The following GSG1L variants were observed in gnomAD, a reference collection of about 807,000 sequenced individuals.
The protein encoded by GSG1L is germ cell-specific gene 1-like protein.
GSG1L carries 24 observed loss-of-function variants against 42.1 expected under a neutral mutation model. The observed-to-expected ratio is 0.57, with a 90% CI of 0.41 to 0.80. GSG1L has a LOEUF of 0.80. GSG1L is among the 30% of genes least tolerant of loss of function. GSG1L has a pLI of 0.00. For synonymous variants in GSG1L, 215 were observed against 203.5 expected (o/e 1.06, Z -0.48); for missense variants, 445 against 472.2 (o/e 0.94, Z 0.53).
At chr16:27,963,922 A>C (rs2085099239) in intron 1 of GSG1L, among the ~76,000 whole-genome samples, 1 of 152,216 alleles carries the variant, frequency 6.6e-6, no homozygotes, top group South Asian at 2.1e-4. Context: ...TCACTGAAAG[A>C]GAGTGTACTG....
At chr16:27,899,131 A>G (rs1330688919) in intron 2 of GSG1L, among the ~76,000 whole-genome samples, 2 of 152,226 alleles carry the variant, frequency 1.3e-5, no homozygotes, top group Non-Finnish European at 2.9e-5. Context: ...AAGCGCCCCC[A>G]GACATCTGCT....
intron 1 of GSG1L, among the ~76,000 whole-genome samples, chr16:27,977,515 G>A (rs1257217998): frequency 2.2e-5 from 3 of 136,718 alleles, no homozygotes; most frequent in Middle Eastern, 8.1e-3. Context: ...AGCCAAGATC[G>A]TGCCACTGCA....
chr16:27,972,202 A>C (rs2141116390), intron 1 of GSG1L, among the ~76,000 whole-genome samples: 1 of 152,394 alleles, frequency 6.6e-6, no homozygotes, highest in East Asian at 1.9e-4. Flanking sequence ...CATTTCTGCT[A>C]CATGGACAAG....
At chr16:28,049,786 C>G (rs2086203151) in intron 1 of GSG1L, among the ~76,000 whole-genome samples, 1 of 152,160 alleles carries the variant, frequency 6.6e-6, no homozygotes, top group Non-Finnish European at 1.5e-5. Context: ...CCCCCAAGAA[C>G]TCCATGGCTG....
intron 3 of GSG1L, among the ~76,000 whole-genome samples, chr16:27,853,565 T>C (rs2083540282): frequency 6.6e-6 from 1 of 152,154 alleles, no homozygotes; most frequent in Admixed American, 6.5e-5. Context: ...CCCAACCTTG[T>C]CTTGTCTGCA....
chr16:27,886,685 A>G (rs1289665998), intron 2 of GSG1L, among the ~76,000 whole-genome samples: 5 of 152,222 alleles, frequency 3.3e-5, no homozygotes, highest in African/African-American at 1.2e-4. Flanking sequence ...GAGAAATGAA[A>G]TTGTGAGGGT....
At chr16:27,895,983 A>G (rs571880375) in intron 2 of GSG1L, among the ~76,000 whole-genome samples, 1 of 152,326 alleles carries the variant, frequency 6.6e-6, no homozygotes, top group Admixed American at 6.5e-5. Context: ...AGGGAGGTCT[A>G]CAAACCAGCA....
At position 27,849,203 on chromosome 16, in the gene GSG1L, GAAAAAA is replaced by G. The variant is rs1203275567; in HGVS notation, c.551-4148_551-4143del. Among the ~76,000 whole-genome samples, 25 of 79,956 alleles carry G rather than the reference GAAAAAA, an allele frequency of 3.1e-4. No homozygotes were observed. In the South Asian group the frequency reaches 0.011, roughly 35 times the overall value. 52.5% of individuals were successfully genotyped at this position (79,956 alleles called of 152,430 possible). On this transcript the variant is annotated intron_variant, in intron 3 of 6. Transcript: ENST00000447459. ...ACAGAGTGAGCCTCTATCCCAAAAA[GAAAAAA>G]AAAAAAAAAAAAAAGAGAAAAGAAA...
intron 3 of GSG1L, among the ~76,000 whole-genome samples, chr16:27,867,796 C>T (rs1320931496): frequency 7.2e-6 from 1 of 138,242 alleles, no homozygotes; most frequent in Non-Finnish European, 1.5e-5. Flanking sequence ...CCTGAGGCCA[C>T]GCCCCCTGAG....
In GSG1L at chr16:27,888,513, T is replaced by TTC. The variant is rs1437336264; in HGVS notation, c.398-3877_398-3876dup. Among the ~76,000 whole-genome samples the TTC allele has an allele frequency of 3.2e-4, 5 of 15,870 alleles. 1 individual carries two copies. The East Asian group carries it at 0.011, about 34-fold the overall frequency. 10.4% of individuals were successfully genotyped at this position (15,870 alleles called of 152,430 possible). A position where few individuals can be genotyped will look rare whatever the true frequency, so the allele number is the denominator to read the frequency against. Reference sequence around the variant, plus strand: ...TTTCTTTCTTTCTTTCTTTCTTTCTTTCTTTCTTTCTTTCTTTCTTTCTTT... The same window carrying TTC: ...TTTCTTTCTTTCTTTCTTTCTTTCTTTCTCTTTCTTTCTTTCTTTCTTTCTTT... On this transcript the variant is annotated intron_variant, in intron 2 of 6. Coordinates refer to ENST00000447459, the MANE Select transcript of GSG1L (RefSeq NM_001109763.2).
intron 2 of GSG1L, among the ~76,000 whole-genome samples, chr16:27,892,789 CAAAAAAA>C (rs67758245): frequency 1.0e-5 from 1 of 96,688 alleles, no homozygotes; most frequent in Admixed American, 1.1e-4. Flanking sequence ...GACTCAGTCT[CAAAAAAA>C]AAAAAAAAAA....
chr16:27,864,234 T>C (rs1424411934), intron 3 of GSG1L, among the ~76,000 whole-genome samples: 1 of 152,236 alleles, frequency 6.6e-6, no homozygotes, highest in Non-Finnish European at 1.5e-5. Flanking sequence ...TGGAATGTTT[T>C]GATTGGCCGG....
At chr16:27,922,569 T>G (rs1322625331) in intron 2 of GSG1L, among the ~76,000 whole-genome samples, 1 of 152,170 alleles carries the variant, frequency 6.6e-6, no homozygotes, top group Non-Finnish European at 1.5e-5. Context: ...CCTCATCTCG[T>G]CCCTCTTTGT....
chr16:28,056,974 G>T (rs2086286607), intron 1 of GSG1L, among the ~76,000 whole-genome samples: 2 of 152,110 alleles, frequency 1.3e-5, no homozygotes, highest in South Asian at 2.1e-4. Flanking sequence ...CTTGTACGGG[G>T]TTGTCTTATG....
At chr16:27,891,324 G>A (rs2084123225) in intron 2 of GSG1L, among the ~76,000 whole-genome samples, 1 of 152,148 alleles carries the variant, frequency 6.6e-6, no homozygotes, top group African/African-American at 2.4e-5. Flanking sequence ...TCAATCAAAA[G>A]AATCTCTGTG....
chr16:27,823,563 ACTCGGATGAAATGGG>A (rs1481080542), intron 5 of GSG1L, among the ~76,000 whole-genome samples: 14 of 152,092 alleles, frequency 9.2e-5, no homozygotes, highest in African/African-American at 3.4e-4. Flanking sequence ...AGCAGGAAAG[ACTCGGATGAAATGGG>A]CTCCAGAAAG....
intron 1 of GSG1L, among the ~76,000 whole-genome samples, chr16:27,966,061 A>G (rs897868893): frequency 6.6e-6 from 1 of 152,208 alleles, no homozygotes; most frequent in Non-Finnish European, 1.5e-5. Context: ...CTCCTGCCTC[A>G]GGGCCTTCGC....
At chr16:28,011,084 G>A (rs991709320) in intron 1 of GSG1L, among the ~76,000 whole-genome samples, 26 of 152,336 alleles carry the variant, frequency 1.7e-4, no homozygotes, top group African/African-American at 6.0e-4. Flanking sequence ...CACACGCCCA[G>A]ATGGCTGTTT....
rs1220222677 is a variant in GSG1L, at chr16:28,018,696, C to T, written c.349+44380G>A. ...CACAATGCCACCTTCCCCCCACCCC[C>T]AGGCAAGTTAGATGCATCAGTCCCA... On this transcript the variant is annotated intron_variant, in intron 1 of 6. Transcript: ENST00000447459. Among the ~76,000 whole-genome samples, 7 of 152,108 alleles carry T rather than the reference C, an allele frequency of 4.6e-5. No individual in the cohort carries two copies. In the East Asian group the frequency reaches 1.3e-3, roughly 29 times the overall value.
Sources: gnomAD v4.1 joint callset for allele counts (sites outside exome capture counted in the v4.1 genomes callset) on GRCh38, gnomAD v4.1.1 for gene constraint, MANE v1.5 for transcripts, NCBI Gene and HGNC (gene_info 2026-07-23, HGNC 2026-07-21) for gene names.